PLXNA1: variants seen among roughly 807,000 people sequenced by gnomAD.
PLXNA1 encodes plexin-A1.
In PLXNA1, 77 loss-of-function variants were observed where a neutral mutation model predicts 191.7. That is an observed-to-expected ratio of 0.40 (90% CI 0.33 to 0.49). The LOEUF (loss-of-function observed/expected upper bound fraction) is 0.49. PLXNA1 is among the 20% of genes least tolerant of loss of function. The pLI is 0.63. For synonymous variants in PLXNA1, 1,137 were observed against 1,156.4 expected (o/e 0.98, Z 0.34); for missense variants, 2,110 against 2,660.2 (o/e 0.79, Z 4.55).
chr3:127,026,138 C>T (rs924850220), intron 23 of PLXNA1, among the ~76,000 whole-genome samples: 3 of 152,286 alleles, frequency 2.0e-5, no homozygotes, highest in Admixed American at 1.3e-4. Flanking sequence ...CGTCACTGCA[C>T]GAGAGATTGA....
Position 127,016,652 on chromosome 3 carries a change from C to G in PLXNA1, c.3150C>G (p.Ile1050Met). The change falls in exon 16 of 32, where the codon ATC (isoleucine) becomes ATG (methionine). Residue 1050 changes from isoleucine to methionine, a missense_variant. By Grantham distance (10) the Ile-to-Met change is conservative (BLOSUM62 1). Transcript: ENST00000393409. ...ACAACTACACCGAGGACCCCACCATCCTGAGGATCGACCCCGAGTGGAGCA... is the reference window on the plus strand; with the variant it reads ...ACAACTACACCGAGGACCCCACCATGCTGAGGATCGACCCCGAGTGGAGCA... Reference protein sequence around the residue: ...VKYNYTEDPTILRIDPEWSIN... With the variant: ...VKYNYTEDPTMLRIDPEWSIN... 6.2e-7 allele frequency: 1 copy of G among 1,614,042 alleles called. No individual in the cohort carries two copies. Among genetic ancestry groups the G allele is most frequent in the Non-Finnish European group, 8.5e-7 (1 of 1,179,970 alleles).
chr3:127,030,102 G>A (rs2079200804), intron 28 of PLXNA1, 38 bp downstream of exon 28: 3 of 1,602,882 alleles, frequency 1.9e-6, no homozygotes, highest in Non-Finnish European at 2.6e-6. Flanking sequence ...GGGACGCTGG[G>A]CCAACTGAGC....
In PLXNA1 at chr3:127,018,465, C is replaced by T. The variant is rs2079136595; in HGVS notation, c.3832C>T (p.Leu1278Phe). The T allele has an allele frequency of 1.9e-6, 3 of 1,612,792 alleles. No individual in the cohort carries two copies. Among genetic ancestry groups the T allele is most frequent in the Non-Finnish European group, 2.5e-6 (3 of 1,179,856 alleles). The change falls in exon 20 of 32, where the codon CTC becomes TTC. Residue 1278 changes from leucine to phenylalanine, a missense_variant. Transcript: ENST00000393409. ...KRKSRDADRT[L>F]KRLQLQMDNL... ...CAAGTCACGAGATGCTGACCGCACA[C>T]TCAAGCGGCTGCAGCTCCAGATGGA... is the stretch of plus-strand genomic sequence containing the variant.
chr3:126,988,570 C>A lies in PLXNA1; in HGVS notation c.-24C>A. ...GCTCACCCCAGCAGGACCAGAGCAC[C>A]GAGGCCCAAGGCCCCAGCCTGCCAT... is the stretch of plus-strand genomic sequence containing the variant. On this transcript the variant is annotated 5_prime_UTR_variant, in exon 2 of 32. Transcript: ENST00000393409. 6.8e-7 allele frequency: 1 copy of A among 1,463,286 alleles called. No individual in the cohort carries two copies. The highest frequency in any genetic ancestry group is 9.0e-7 in the Non-Finnish European group (1 of 1,111,420). 90.6% of individuals were successfully genotyped at this position (1,463,286 alleles called of 1,614,324 possible).
intron 1 of PLXNA1, among the ~76,000 whole-genome samples, chr3:126,985,851 G>A (rs2078955937): frequency 6.6e-6 from 1 of 152,230 alleles, no homozygotes; most frequent in South Asian, 2.1e-4. Flanking sequence ...TGGAAGAAGT[G>A]GCCCAAGCAT....
chr3:127,004,459 A>T, intron 4 of PLXNA1, 152 bp from the exon 5 acceptor site: 1 of 649,324 alleles, frequency 1.5e-6, no homozygotes, highest in African/African-American at 1.8e-5. Context: ...TGGCTTGGCC[A>T]GGGCAGGGTC....
chr3:126,984,147 G>A (rs1049845559), intron 1 of PLXNA1, among the ~76,000 whole-genome samples: 3 of 152,188 alleles, frequency 2.0e-5, no homozygotes, highest in African/African-American at 7.2e-5. Context: ...AGGGGGAGTG[G>A]GGACTCCAGG....
At chr3:127,020,487 C>T (rs757054084) in intron 21 of PLXNA1, 143 bp downstream of exon 21, 318 of 1,056,716 alleles carry the variant, frequency 3.0e-4, no homozygotes, top group Non-Finnish European at 4.0e-4. Flanking sequence ...GCTCTGGGCT[C>T]AGCCAAGTGG....
In PLXNA1 at chr3:126,993,864, T is replaced by C. The variant is rs2079002924; in HGVS notation, c.1377+2298T>C. 2.6e-5 allele frequency among the ~76,000 whole-genome samples: 4 copies of C among 152,374 alleles called. 1 individual carries two copies. The South Asian group carries it at 8.3e-4, about 32-fold the overall frequency. ...CTCTTTCACCCAAATCCACCTGCTCTCAAACTGTCCAGCAGCTGGGCATGT... is the reference window on the plus strand; with the variant it reads ...CTCTTTCACCCAAATCCACCTGCTCCCAAACTGTCCAGCAGCTGGGCATGT... On this transcript the variant is annotated intron_variant, in intron 3 of 31. Coordinates refer to ENST00000393409, the MANE Select transcript of PLXNA1 (RefSeq NM_032242.4).
chr3:126,992,182 A>G lies in PLXNA1; in HGVS notation c.1377+616A>G, dbSNP rs958759730. ...CTTCAGGGTTCTCCTTTCCTTCCCC[A>G]GAACAGTGGGCTGGACAGAGGCAGT... On this transcript the variant is annotated intron_variant, in intron 3 of 31. Transcript: ENST00000393409. Among the ~76,000 whole-genome samples, 6 of 152,272 alleles carry G rather than the reference A, an allele frequency of 3.9e-5. No individual in the cohort carries two copies. The East Asian group carries it at 1.2e-3, about 29-fold the overall frequency.
chr3:126,985,630 C>T (rs1278576647), intron 1 of PLXNA1, among the ~76,000 whole-genome samples: 1 of 152,230 alleles, frequency 6.6e-6, no homozygotes, highest in South Asian at 2.1e-4. Flanking sequence ...ATGCTCCCCT[C>T]CTAGCCCCGG....
intron 3 of PLXNA1, among the ~76,000 whole-genome samples, chr3:126,998,006 C>A (rs2079022479): frequency 6.6e-6 from 1 of 152,210 alleles, no homozygotes; most frequent in Admixed American, 6.5e-5. Context: ...GTGGTCCCAA[C>A]CACAGCAGAG....
At chr3:127,029,790 C>T in intron 27 of PLXNA1, 84 bp from the exon 28 acceptor site, 2 of 1,434,772 alleles carry the variant, frequency 1.4e-6, no homozygotes, top group East Asian at 2.5e-5. Context: ...GGGGTGCCAT[C>T]CCCAGCTTTC....
In PLXNA1 at chr3:127,020,347, A is replaced by G. The variant is rs746184686; in HGVS notation, c.4038+3A>G. ...ACCCTGTGCTCAAGGAGATGGAGGT[A>G]GGACCACTGGCTCCGGGGGGTCACA... is the stretch of plus-strand genomic sequence containing the variant. On this transcript the variant is annotated splice_donor_region_variant and intron_variant, in intron 21 of 31. Coordinates refer to ENST00000393409, the MANE Select transcript of PLXNA1 (RefSeq NM_032242.4). 1.2e-6 allele frequency: 2 copies of G among 1,612,242 alleles called. No homozygotes were observed. The highest frequency in any genetic ancestry group is 1.1e-5 in the South Asian group (1 of 91,026).
chr3:127,006,121 CAG>C lies in PLXNA1; in HGVS notation c.1941_1942del (p.Gly648GlufsTer44). On this transcript the variant is annotated frameshift_variant, in exon 8 of 32. Coordinates refer to ENST00000393409, the MANE Select transcript of PLXNA1 (RefSeq NM_032242.4). LOFTEE classifies it high-confidence loss of function. ...AAACTCTACCTAAAGTCCAAGGAGA[CAG>C]GGAAGAAGTTTGCGTCTGTGGACTT... 1 of 1,613,902 alleles carries C rather than the reference CAG, an allele frequency of 6.2e-7. No homozygotes were observed. The highest frequency in any genetic ancestry group is 8.5e-7 in the Non-Finnish European group (1 of 1,179,980).
In PLXNA1 at chr3:127,034,027, G is replaced by A. The variant is rs1444392153; in HGVS notation, c.*10G>A. Reference sequence around the variant, plus strand: ...GGCCCTGAGCAGCTGAGCCCCAGCTGTGATCATCCAGCATGATGCAGCGTG... The same window carrying A: ...GGCCCTGAGCAGCTGAGCCCCAGCTATGATCATCCAGCATGATGCAGCGTG... On this transcript the variant is annotated 3_prime_UTR_variant, in exon 32 of 32. Coordinates refer to ENST00000393409, the MANE Select transcript of PLXNA1 (RefSeq NM_032242.4). The A allele has an allele frequency of 3.1e-6, 5 of 1,590,132 alleles. No individual in the cohort carries two copies. The highest frequency in any genetic ancestry group is 4.3e-6 in the Non-Finnish European group (5 of 1,169,548).
At chr3:127,029,219 AG>A in intron 26 of PLXNA1, 123 bp downstream of exon 26, 1 of 862,126 alleles carries the variant, frequency 1.2e-6, no homozygotes. Context: ...AGAGGAGGGG[AG>A]GTGGTCACTT....
intron 2 of PLXNA1, 105 bp from the exon 3 acceptor site, chr3:126,991,279 C>A: frequency 1.5e-6 from 2 of 1,311,274 alleles, no homozygotes; most frequent in East Asian, 2.5e-5. Context: ...GGGCTACCCC[C>A]AACCTCTCTA....
chr3:127,029,355 ACCGGGGTCCCCAG>A, intron 26 of PLXNA1, 72 bp from the exon 27 acceptor site: 1 of 1,290,794 alleles, frequency 7.7e-7, no homozygotes, highest in Non-Finnish European at 1.1e-6. Flanking sequence ...CTAGGGTGTC[ACCGGGGTCCCCAG>A]CCGGGGAGTG....
Sources: gnomAD v4.1 joint callset for allele counts (sites outside exome capture counted in the v4.1 genomes callset) on GRCh38, gnomAD v4.1.1 for gene constraint, MANE v1.5 for transcripts, NCBI Gene and HGNC (gene_info 2026-07-23, HGNC 2026-07-21) for gene names.